The following ADGRG3 variants were observed in gnomAD, a reference collection of about 807,000 sequenced individuals.
The protein encoded by ADGRG3 is G protein-coupled receptor 97.
ADGRG3 carries 39 observed loss-of-function variants against 54.3 expected under a neutral mutation model. The ratio of observed to expected loss-of-function variants is 0.72; its 90% CI spans 0.56 to 0.94. The LOEUF (loss-of-function observed/expected upper bound fraction) is 0.94, where lower values mean the gene tolerates loss of function less well. Ranked by LOEUF, ADGRG3 falls within the 40% of genes least tolerant of loss-of-function variation. ADGRG3 has a pLI of 0.00. For missense variants in ADGRG3, 654 were observed against 694.6 expected (o/e 0.94, Z 0.66); for synonymous variants, 312 against 290.0 (o/e 1.08, Z -0.77).
At chr16:57,668,225 G>C (rs1342616532), upstream of ADGRG3, 4 of 755,994 alleles carry the variant, frequency 5.3e-6, no homozygotes, top group Non-Finnish European at 8.6e-6. Context: ...GGAAGGGTGA[G>C]AAAGAGGACA....
intron 8 of ADGRG3, 72 bp downstream of exon 8, chr16:57,680,689 C>G: frequency 9.5e-7 from 1 of 1,048,948 alleles, no homozygotes; most frequent in South Asian, 1.3e-5. Context: ...GGGTGGGAAG[C>G]ATTCAGGTTG....
intron 11 of ADGRG3, among the ~76,000 whole-genome samples, 179 bp from the exon 12 acceptor site, chr16:57,688,173 G>A (rs1243407424): frequency 2.6e-5 from 4 of 152,034 alleles, no homozygotes; most frequent in South Asian, 4.2e-4. Context: ...CCAAGATTTC[G>A]ATTTGGTTCT....
chr16:57,668,369 G>C lies in ADGRG3; in HGVS notation c.22G>C (p.Gly8Arg), dbSNP rs1205032445. 4 of 1,575,550 alleles carry C rather than the reference G, an allele frequency of 2.5e-6. No individual in the cohort carries two copies. In the South Asian group the frequency reaches 4.6e-5, roughly 18 times the overall value. MATPRGL[G>R]ALLLLLLLPT... ...AAGGATGGCGACGCCCAGGGGCCTG[G>C]GGGCCCTGCTCCTGCTCCTCCTGCT... The change falls in exon 1 of 12, where the codon GGG becomes CGG. Residue 8 changes from glycine to arginine, a missense_variant. Physicochemically the swap from Gly to Arg is moderately radical, Grantham distance 125. Transcript: ENST00000333493.
intron 1 of ADGRG3, among the ~76,000 whole-genome samples, chr16:57,671,329 G>A (rs569705797): frequency 6.9e-6 from 1 of 145,348 alleles, no homozygotes; most frequent in South Asian, 2.2e-4. Context: ...TCCTAGAATA[G>A]GAGTTTTTTT....
At chr16:57,679,666 T>G (rs2048327442) in intron 5 of ADGRG3, 150 bp from the exon 6 acceptor site, 1 of 735,360 alleles carries the variant, frequency 1.4e-6, no homozygotes, top group Non-Finnish European at 2.5e-6. Flanking sequence ...GTGCACTTAA[T>G]TTTTCTGTGT....
At position 57,683,907 on chromosome 16, in the gene ADGRG3, TG is replaced by T. The variant is rs753501529; in HGVS notation, c.882-21del. 2.6e-6 allele frequency: 4 copies of T among 1,522,652 alleles called. No individual in the cohort carries two copies. The African/African-American group carries it at 4.2e-5, about 16-fold the overall frequency. The allele number at this position is 1,522,652 out of a possible 1,614,324, so 94.3% of individuals were successfully genotyped here. Reference sequence around the variant, plus strand: ...GCTCCCCATGGGAGCTGTGGCCCCTTGGGGCCTCTTATTTCTCACCCCAGGC... The same window carrying T: ...GCTCCCCATGGGAGCTGTGGCCCCTTGGGCCTCTTATTTCTCACCCCAGGC... On this transcript the variant is annotated intron_variant, in intron 8 of 11. Coordinates refer to ENST00000333493, the MANE Select transcript of ADGRG3 (RefSeq NM_170776.5).
At chr16:57,686,082 G>A in intron 11 of ADGRG3, 156 bp downstream of exon 11, 3 of 765,714 alleles carry the variant, frequency 3.9e-6, no homozygotes, top group South Asian at 1.7e-5. Flanking sequence ...AGGATCCAGG[G>A]CAGCAAAGTT....
At position 57,688,564 on chromosome 16, in the gene ADGRG3, T is replaced by C. The variant is rs1282751495; in HGVS notation, c.*103T>C. ...TCCCTCAGTTTCCTTCTCTGTACAA[T>C]GTGGCTGGGGAGGGAGAGGATGGGA... On this transcript the variant is annotated 3_prime_UTR_variant, in exon 12 of 12. Transcript: ENST00000333493. 3 of 779,074 alleles carry C rather than the reference T, an allele frequency of 3.9e-6. No homozygotes were observed. Among genetic ancestry groups the C allele is most frequent in the Admixed American group, 3.7e-5 (2 of 53,714 alleles). The allele number at this position is 779,074 out of a possible 1,614,324, so 48.3% of individuals were successfully genotyped here.
At chr16:57,678,026 C>T (rs2048294077) in intron 3 of ADGRG3, 144 bp from the exon 4 acceptor site, 2 of 926,284 alleles carry the variant, frequency 2.2e-6, no homozygotes, top group Non-Finnish European at 1.7e-6. Flanking sequence ...TGCACTGTGC[C>T]CCAGGTGTCC....
chr16:57,683,974 C>T lies in ADGRG3; in HGVS notation c.924C>T (p.Ile308=). The part of the protein sequence containing the change: ...ERFKSEDAPK[I]HVALGGSLFL... ...TCAAGTCAGAAGATGCCCCAAAGATCCACGTGGCCCTGGGTGGCAGCCTGT... is the reference window on the plus strand; with the variant it reads ...TCAAGTCAGAAGATGCCCCAAAGATTCACGTGGCCCTGGGTGGCAGCCTGT... The change falls in exon 9 of 12, where the codon ATC becomes ATT. Residue 308 remains isoleucine (I), a synonymous_variant. Coordinates refer to ENST00000333493, the MANE Select transcript of ADGRG3 (RefSeq NM_170776.5). 1 of 1,588,702 alleles carries T rather than the reference C, an allele frequency of 6.3e-7. No individual in the cohort carries two copies.
Position 57,678,170 on chromosome 16 carries a change from G to T in ADGRG3, c.346G>T (p.Val116Phe), listed in dbSNP as rs764535943. ...GGAGCTGCTGTGTCTGTGGTTGTAG[G>T]TTCCGAGGCAGGTGATGAAGGACGA... is the stretch of plus-strand genomic sequence containing the variant. Reference protein sequence around the residue: ...DFYFSLEPSQVPRQVMKDEDK... With the variant: ...DFYFSLEPSQFPRQVMKDEDK... The change falls in exon 4 of 12, where the codon GTT becomes TTT. Residue 116 changes from valine (V) to phenylalanine (F), a missense_variant and splice_region_variant. By Grantham distance (50) the Val-to-Phe change is conservative. Transcript: ENST00000333493. 7 of 1,613,936 alleles carry T rather than the reference G, an allele frequency of 4.3e-6. No homozygotes were observed. In the Admixed American group the frequency reaches 1.2e-4, roughly 27 times the overall value.
intron 10 of ADGRG3, 61 bp from the exon 11 acceptor site, chr16:57,685,582 T>G: frequency 6.5e-7 from 1 of 1,533,138 alleles, no homozygotes; most frequent in Non-Finnish European, 9.0e-7. Context: ...CCAGGGGACT[T>G]CCTGGGTTTG....
At chr16:57,684,280 G>A (rs2048430366) in intron 9 of ADGRG3, 68 bp downstream of exon 9, 1 of 1,578,528 alleles carries the variant, frequency 6.3e-7, no homozygotes, top group Admixed American at 1.7e-5. Flanking sequence ...TAGCCTTGGG[G>A]AGAGAGAGGA....
At chr16:57,675,423 G>A (rs554119154) in intron 2 of ADGRG3, among the ~76,000 whole-genome samples, 7 of 152,264 alleles carry the variant, frequency 4.6e-5, no homozygotes, top group South Asian at 4.2e-4. Context: ...TCAGGAGTTC[G>A]AGACCAGTCT....
At chr16:57,679,612 C>G (rs1567857086) in intron 5 of ADGRG3, among the ~76,000 whole-genome samples, 1 of 152,168 alleles carries the variant, frequency 6.6e-6, no homozygotes, top group African/African-American at 2.4e-5. Flanking sequence ...CAGCCCCACA[C>G]CACAGTCGCA....
At position 57,679,285 on chromosome 16, in the gene ADGRG3, G is replaced by A. The variant is rs141398818; in HGVS notation, c.601G>A (p.Val201Ile). The A allele has an allele frequency of 3.4e-5, 55 of 1,613,812 alleles. No individual in the cohort carries two copies. Among genetic ancestry groups the A allele is most frequent in the African/African-American group, 8.0e-5 (6 of 74,880 alleles). The change falls in exon 5 of 12, where the codon GTC becomes ATC. Residue 201 changes from valine (V) to isoleucine (I), a missense_variant. Transcript: ENST00000333493. ...VTKLAEPLEI[V>I]FSHQRPPPNM... Reference sequence around the variant, plus strand: ...CAAGCTGGCTGAGCCTCTGGAGATCGTCTTCTCTCACCAGCGACCGCCCCC... The same window carrying A: ...CAAGCTGGCTGAGCCTCTGGAGATCATCTTCTCTCACCAGCGACCGCCCCC...
chr16:57,685,832 C>G lies in ADGRG3; in HGVS notation c.1446C>G (p.Leu482=). 1 of 1,614,188 alleles carries G rather than the reference C, an allele frequency of 6.2e-7. No homozygotes were observed. The highest frequency in any genetic ancestry group is 1.1e-5 in the South Asian group (1 of 91,084). ...AGAAGGTGCTCACCCTGCTGGGCCT[C>G]TCGAGCCTGGTGGGTGTGACATGGG... is the stretch of plus-strand genomic sequence containing the variant. ...NRKKVLTLLG[L]SSLVGVTWGL... The change falls in exon 11 of 12, where the codon CTC becomes CTG. Residue 482 remains leucine (L), a synonymous_variant. Transcript: ENST00000333493.
At chr16:57,669,165 T>C (rs2048107037) in intron 1 of ADGRG3, among the ~76,000 whole-genome samples, 1 of 152,200 alleles carries the variant, frequency 6.6e-6, no homozygotes, top group South Asian at 2.1e-4. Context: ...TCAGTGCTCC[T>C]GTCTCAGGGC....
chr16:57,668,091 G>A (rs1450361673), upstream of ADGRG3: 1 of 562,198 alleles, frequency 1.8e-6, no homozygotes. Context: ...GGGCCCCGGG[G>A]GCACATACCT....
Sources: gnomAD v4.1 joint callset for allele counts (sites outside exome capture counted in the v4.1 genomes callset) on GRCh38, gnomAD v4.1.1 for gene constraint, MANE v1.5 for transcripts, NCBI Gene and HGNC (gene_info 2026-07-23, HGNC 2026-07-21) for gene names.